GLIS1: variants seen among roughly 807,000 people sequenced by gnomAD.
The protein encoded by GLIS1 is zinc finger protein GLIS1.
In GLIS1, 24 loss-of-function variants were observed where a neutral mutation model predicts 63.8. The observed-to-expected ratio is 0.38, with a 90% CI of 0.27 to 0.53. The LOEUF is 0.53. Among genes scored for constraint, GLIS1 ranks in the 20% least tolerant of loss-of-function variants. GLIS1 has a pLI of 0.85. For missense variants in GLIS1, 1,036 were observed against 1,074.1 expected (o/e 0.96, Z 0.50); for synonymous variants, 450 against 482.5 (o/e 0.93, Z 0.88).
intron 2 of GLIS1, among the ~76,000 whole-genome samples, chr1:53,683,607 G>A (rs1034289108): frequency 5.3e-5 from 8 of 152,084 alleles, no homozygotes; most frequent in African/African-American, 7.2e-5. Context: ...CATCAAGGAC[G>A]TTAGCAGGTA....
At chr1:53,616,767 C>T (rs1056962458) in intron 2 of GLIS1, among the ~76,000 whole-genome samples, 6 of 152,158 alleles carry the variant, frequency 3.9e-5, no homozygotes, top group South Asian at 2.1e-4. Context: ...GGGCACAATC[C>T]GGAGATCCAG....
chr1:53,516,195 T>C (rs1490579189), intron 7 of GLIS1, among the ~76,000 whole-genome samples: 1 of 152,178 alleles, frequency 6.6e-6, no homozygotes. Context: ...GCACTCTGGT[T>C]ACCATGGATC....
rs1001037834 is a variant in GLIS1 at position 53,737,861 on chromosome 1, G to A, written c.204C>T (p.Leu68=). The A allele has an allele frequency of 7.3e-6, 9 of 1,231,070 alleles. No individual in the cohort carries two copies. The highest frequency in any genetic ancestry group is 9.1e-6 in the Non-Finnish European group (9 of 987,506). The allele number at this position is 1,231,070 out of a possible 1,614,324, so 76.3% of individuals were successfully genotyped here. A position where few individuals can be genotyped will look rare whatever the true frequency, so the allele number is the denominator to read the frequency against. The change falls in exon 2 of 11, where the codon CTC becomes CTT. Residue 68 remains leucine (L), a synonymous_variant. Coordinates refer to ENST00000628545, the MANE Select transcript of GLIS1 (RefSeq NM_001367484.1). ...PAPPPRAHDL[L]RPRSPRDYGP... ...CGTAGTCTCGGGGACTGCGGGGCCG[G>A]AGGAGGTCGTGGGCGCGCGGTGGCG...
intron 2 of GLIS1, among the ~76,000 whole-genome samples, chr1:53,734,928 A>G (rs1462778548): frequency 6.6e-6 from 1 of 152,210 alleles, no homozygotes; most frequent in African/African-American, 2.4e-5. Context: ...ACTCTGCCAT[A>G]AACAGATCAT....
At chr1:53,614,748 G>T (rs1359505581) in intron 2 of GLIS1, among the ~76,000 whole-genome samples, 1 of 151,978 alleles carries the variant, frequency 6.6e-6, no homozygotes, top group Non-Finnish European at 1.5e-5. Context: ...GTGGCAATGT[G>T]ACTCTATGCA....
At chr1:53,695,288 C>T (rs1180718530) in intron 2 of GLIS1, among the ~76,000 whole-genome samples, 1 of 152,182 alleles carries the variant, frequency 6.6e-6, no homozygotes, top group African/African-American at 2.4e-5. Flanking sequence ...GAGTGAGAGG[C>T]CTCCAAGTTC....
intron 4 of GLIS1, among the ~76,000 whole-genome samples, chr1:53,553,582 T>C (rs1173120323): frequency 6.6e-6 from 1 of 152,154 alleles, no homozygotes; most frequent in Non-Finnish European, 1.5e-5. Context: ...AGTAAGACAA[T>C]GTCAGACCGT....
At chr1:53,509,391 A>G (rs377534947) in intron 9 of GLIS1, 104 bp from the exon 10 acceptor site, 1 of 1,233,124 alleles carries the variant, frequency 8.1e-7, no homozygotes. Context: ...TGTCCTGTCC[A>G]GGCATTGTGG....
chr1:53,576,420 A>G (rs936085909), intron 4 of GLIS1, among the ~76,000 whole-genome samples: 7 of 152,180 alleles, frequency 4.6e-5, no homozygotes, highest in Admixed American at 2.0e-4. Context: ...TTGCAGTGTG[A>G]GATGACCCAT....
chr1:53,634,196 A>G (rs1469572876), intron 2 of GLIS1, among the ~76,000 whole-genome samples: 1 of 152,214 alleles, frequency 6.6e-6, no homozygotes, highest in Non-Finnish European at 1.5e-5. Context: ...ATGTTTAGAC[A>G]CACAAATGGA....
At chr1:53,567,391 A>T (rs1644944599) in intron 4 of GLIS1, among the ~76,000 whole-genome samples, 1 of 152,214 alleles carries the variant, frequency 6.6e-6, no homozygotes, top group African/African-American at 2.4e-5. Context: ...ATGGTCTAAA[A>T]TTGGAACTTA....
At chr1:53,656,597 G>T (rs573156053) in intron 2 of GLIS1, among the ~76,000 whole-genome samples, 2 of 152,212 alleles carry the variant, frequency 1.3e-5, no homozygotes, top group African/African-American at 4.8e-5. Context: ...CTCCTCGTGC[G>T]ATTTGCAATC....
rs140476808 is a variant in GLIS1, at chr1:53,672,553, T to C, written c.259+65253A>G. On this transcript the variant is annotated intron_variant, in intron 2 of 10. Coordinates refer to ENST00000628545, the MANE Select transcript of GLIS1 (RefSeq NM_001367484.1). ...CTAGTACTCAGAACATCCCCTATCA[T>C]TGGACTATTTATTCGGCTGTGAGTC... Among the ~76,000 whole-genome samples the C allele has an allele frequency of 2.8e-3, 433 of 152,274 alleles. 1 individual carries two copies. The Middle Eastern group carries it at 0.031, about 11-fold the overall frequency.
chr1:53,523,034 C>T (rs1644427523), intron 6 of GLIS1, among the ~76,000 whole-genome samples: 1 of 141,118 alleles, frequency 7.1e-6, no homozygotes, highest in Non-Finnish European at 1.5e-5. Context: ...GTCACTCAGG[C>T]TGGTGTGCAG....
At chr1:53,538,709 G>A (rs1644607592) in intron 4 of GLIS1, among the ~76,000 whole-genome samples, 1 of 152,172 alleles carries the variant, frequency 6.6e-6, no homozygotes, top group Non-Finnish European at 1.5e-5. Flanking sequence ...GGGTGGGCCT[G>A]TCCTTGGGAG....
At chr1:53,655,605 A>C (rs146628735) in intron 2 of GLIS1, among the ~76,000 whole-genome samples, 1 of 152,266 alleles carries the variant, frequency 6.6e-6, no homozygotes, top group East Asian at 1.9e-4. Flanking sequence ...CCAGATAAGA[A>C]TCGCATTCTA....
Position 53,559,371 on chromosome 1 carries a change from G to A in GLIS1, c.1321-29419C>T, listed in dbSNP as rs76107712. 1.1e-4 allele frequency among the ~76,000 whole-genome samples: 17 copies of A among 152,226 alleles called. 1 individual carries two copies. The East Asian group carries it at 3.3e-3, about 29-fold the overall frequency. On this transcript the variant is annotated intron_variant, in intron 4 of 10. Coordinates refer to ENST00000628545, the MANE Select transcript of GLIS1 (RefSeq NM_001367484.1). ...ACTCGTTCAATCCCAGCACTGTCCC[G>A]GGGTTTTGGACTCTGAGATGGAAGG...
intron 4 of GLIS1, among the ~76,000 whole-genome samples, chr1:53,553,218 G>C (rs1056487014): frequency 1.3e-5 from 2 of 152,176 alleles, no homozygotes; most frequent in African/African-American, 4.8e-5. Flanking sequence ...CGGGGCTGGA[G>C]AAGTTTGTGG....
chr1:53,654,961 A>G (rs1349440756), intron 2 of GLIS1, among the ~76,000 whole-genome samples: 1 of 152,206 alleles, frequency 6.6e-6, no homozygotes, highest in Non-Finnish European at 1.5e-5. Context: ...AATGGTAGAA[A>G]CATCAGCTTG....
Sources: gnomAD v4.1 joint callset for allele counts (sites outside exome capture counted in the v4.1 genomes callset) on GRCh38, gnomAD v4.1.1 for gene constraint, MANE v1.5 for transcripts, NCBI Gene and HGNC (gene_info 2026-07-23, HGNC 2026-07-21) for gene names.